AK5: variants seen among roughly 807,000 people sequenced by gnomAD.
AK5 encodes the protein adenylate kinase 5, also known as adenylate kinase isoenzyme 5.
A neutral mutation model predicts 69.5 loss-of-function variants in AK5; 27 were observed. The ratio of observed to expected loss-of-function variants is 0.39; its 90% CI spans 0.29 to 0.54. AK5 has a LOEUF of 0.54. AK5 is among the 20% of genes least tolerant of loss of function. The probability of loss-of-function intolerance (pLI) is 0.71; values close to 1 mark genes in which losing one functional copy is unlikely to be tolerated. For missense variants in AK5, 531 were observed against 700.4 expected, an observed-to-expected ratio of 0.76 and a Z score of 2.73; for synonymous variants, 260 against 244.4, an observed-to-expected ratio of 1.06 and a Z score of -0.60.
rs149267887 is a variant in AK5 at position 77,376,303 on chromosome 1, G to C, written c.892-34678G>C. 4.7e-4 allele frequency among the ~76,000 whole-genome samples: 71 copies of C among 152,056 alleles called. 1 individual carries two copies. The East Asian group carries it at 5.6e-3, about 12-fold the overall frequency. On this transcript the variant is annotated intron_variant, in intron 6 of 13. Transcript: ENST00000354567. Reference sequence around the variant, plus strand: ...TTCTCCCTGAGTGCAAATCCAGAGGGAGGGCAAGTAGGTCGAAGCAGACTC... The same window carrying C: ...TTCTCCCTGAGTGCAAATCCAGAGGCAGGGCAAGTAGGTCGAAGCAGACTC...
intron 8 of AK5, among the ~76,000 whole-genome samples, chr1:77,446,970 G>A (rs763821780): frequency 3.9e-5 from 6 of 152,216 alleles, no homozygotes; most frequent in Non-Finnish European, 5.9e-5. Context: ...TGGAATGGCC[G>A]GGTTTGCCTC....
At chr1:77,327,823 C>G (rs1660883422) in intron 5 of AK5, among the ~76,000 whole-genome samples, 1 of 152,180 alleles carries the variant, frequency 6.6e-6, no homozygotes, top group African/African-American at 2.4e-5. Flanking sequence ...ATAAAGGGCA[C>G]ATAATTATAG....
chr1:77,523,146 T>G (rs1388360993), intron 12 of AK5, among the ~76,000 whole-genome samples: 1 of 152,230 alleles, frequency 6.6e-6, no homozygotes, highest in Non-Finnish European at 1.5e-5. Context: ...CTGTTTCATT[T>G]AATTTCCTTA....
At chr1:77,474,919 C>T (rs562781896) in intron 8 of AK5, among the ~76,000 whole-genome samples, 2 of 152,210 alleles carry the variant, frequency 1.3e-5, no homozygotes, top group South Asian at 2.1e-4. Flanking sequence ...ATCCTCCCAC[C>T]TCAGTCTCCT....
chr1:77,467,502 A>G (rs1177965984), intron 8 of AK5, among the ~76,000 whole-genome samples: 1 of 152,204 alleles, frequency 6.6e-6, no homozygotes, highest in African/African-American at 2.4e-5. Context: ...CAAAGATAAA[A>G]ACTGTTTTGA....
At chr1:77,538,069 G>T (rs1659065590) in intron 13 of AK5, among the ~76,000 whole-genome samples, 1 of 152,156 alleles carries the variant, frequency 6.6e-6, no homozygotes, top group African/African-American at 2.4e-5. Flanking sequence ...CAAGTGCAAT[G>T]GCTCACACCC....
intron 6 of AK5, among the ~76,000 whole-genome samples, chr1:77,376,457 AAAAAAAC>A: frequency 6.9e-6 from 1 of 145,730 alleles, no homozygotes; most frequent in African/African-American, 2.5e-5. Context: ...AAAACAAAAA[AAAAAAAC>A]ATGTCTTACT....
At position 77,360,426 on chromosome 1, in the gene AK5, T is replaced by C. The variant is rs550900620; in HGVS notation, c.891+19858T>C. Among the ~76,000 whole-genome samples, 3 of 152,198 alleles carry C rather than the reference T, an allele frequency of 2.0e-5. No homozygotes were observed. In the South Asian group the frequency reaches 6.2e-4, roughly 32 times the overall value. On this transcript the variant is annotated intron_variant, in intron 6 of 13. Transcript: ENST00000354567. ...AACAGCTGGCAGGAAGTTTGTGAGT[T>C]TTATCATCTATTGCTTGTTTGGTGG...
At chr1:77,475,195 A>ATATG (rs1182380859) in intron 8 of AK5, among the ~76,000 whole-genome samples, 335 of 29,050 alleles carry the variant, frequency 0.012, 5 homozygotes, top group East Asian at 0.052. Context: ...ATATATATAT[A>ATATG]TGTGTGTGTG....
chr1:77,380,394 T>G (rs1254267721), intron 6 of AK5, among the ~76,000 whole-genome samples: 1 of 152,130 alleles, frequency 6.6e-6, no homozygotes, highest in Admixed American at 6.5e-5. Flanking sequence ...CACAACTAGT[T>G]AAGTGATAGA....
chr1:77,326,910 A>T (rs1016374791), intron 5 of AK5, among the ~76,000 whole-genome samples: 1 of 152,194 alleles, frequency 6.6e-6, no homozygotes, highest in Non-Finnish European at 1.5e-5. Context: ...GGACCACATG[A>T]TCTTTAAGGA....
intron 6 of AK5, among the ~76,000 whole-genome samples, chr1:77,397,548 T>A (rs549485797): frequency 7.9e-5 from 12 of 152,332 alleles, no homozygotes; most frequent in African/African-American, 2.6e-4. Context: ...TAAATTTTTT[T>A]AATAAACATT....
intron 5 of AK5, among the ~76,000 whole-genome samples, chr1:77,339,527 A>G (rs1661538277): frequency 6.6e-6 from 1 of 152,148 alleles, no homozygotes; most frequent in Non-Finnish European, 1.5e-5. Context: ...TCAAACATTA[A>G]CTTTTACTTT....
At chr1:77,371,835 G>C (rs988700300) in intron 6 of AK5, among the ~76,000 whole-genome samples, 5 of 152,140 alleles carry the variant, frequency 3.3e-5, no homozygotes, top group Non-Finnish European at 7.4e-5. Context: ...ATTAAGTTCT[G>C]ATACTTATTA....
At chr1:77,340,282 C>G in intron 5 of AK5, 95 bp from the exon 6 acceptor site, 1 of 1,238,040 alleles carries the variant, frequency 8.1e-7, no homozygotes, top group Non-Finnish European at 1.1e-6. Flanking sequence ...AAATATATGG[C>G]AGCCTCCACA....
At chr1:77,316,933 C>G (rs1221555274) in intron 5 of AK5, among the ~76,000 whole-genome samples, 1 of 152,168 alleles carries the variant, frequency 6.6e-6, no homozygotes, top group South Asian at 2.1e-4. Flanking sequence ...TTTGATTTTG[C>G]CATGTATATC....
At chr1:77,310,642 A>G (rs1170080487) in intron 5 of AK5, among the ~76,000 whole-genome samples, 1 of 151,962 alleles carries the variant, frequency 6.6e-6, no homozygotes, top group Non-Finnish European at 1.5e-5. Flanking sequence ...CGGCCTCCCA[A>G]AGTGCTGGGA....
intron 10 of AK5, among the ~76,000 whole-genome samples, chr1:77,491,101 A>G (rs1490128014): frequency 6.6e-6 from 1 of 151,972 alleles, no homozygotes; most frequent in Non-Finnish European, 1.5e-5. Context: ...TTAAGTAGTG[A>G]ACTTTGGGAG....
intron 8 of AK5, among the ~76,000 whole-genome samples, chr1:77,421,173 A>T (rs1018546110): frequency 6.6e-6 from 1 of 152,160 alleles, no homozygotes; most frequent in East Asian, 1.9e-4. Context: ...TCTTTCCATT[A>T]GCTTTCAACA....
Sources: allele counts gnomAD v4.1 joint callset (sites outside exome capture counted in the v4.1 genomes callset), GRCh38; gene constraint gnomAD v4.1.1; transcripts MANE v1.5; gene names NCBI Gene and HGNC (gene_info 2026-07-23, HGNC 2026-07-21).